MOXD1: variants seen among roughly 807,000 people sequenced by gnomAD.
MOXD1 encodes the protein monooxygenase DBH like 1, also known as DBH-like monooxygenase protein 1.
MOXD1 carries 62 observed loss-of-function variants against 66.6 expected under a neutral mutation model. The observed-to-expected ratio is 0.93, with a 90% CI of 0.76 to 1.15. The LOEUF is 1.15. Ranked by LOEUF, MOXD1 falls within the 50% of genes most tolerant of loss-of-function variation. MOXD1 has a pLI of 0.00. For synonymous variants in MOXD1, 303 were observed against 281.9 expected (o/e 1.07, Z -0.75); for missense variants, 847 against 754.6 (o/e 1.12, Z -1.44).
chr6:132,353,433 T>C (rs1194429176), intron 4 of MOXD1, among the ~76,000 whole-genome samples: 1 of 152,236 alleles, frequency 6.6e-6, no homozygotes, highest in Non-Finnish European at 1.5e-5. Flanking sequence ...TCAGTTTCAC[T>C]GGATACAAAA....
At chr6:132,362,121 T>G (rs993233266) in intron 4 of MOXD1, among the ~76,000 whole-genome samples, 1 of 152,152 alleles carries the variant, frequency 6.6e-6, no homozygotes, top group East Asian at 1.9e-4. Context: ...AAGTATACAA[T>G]TGTTTCCATT....
chr6:132,375,578 G>A (rs7764798), intron 1 of MOXD1, among the ~76,000 whole-genome samples: 149,938 of 152,250 alleles, frequency 0.98, 73,838 homozygotes, highest in East Asian at 1. Flanking sequence ...GGTGCCCACC[G>A]CCACGCCTGG....
chr6:132,301,345 A>C (rs1207800308), intron 10 of MOXD1, among the ~76,000 whole-genome samples: 1 of 152,058 alleles, frequency 6.6e-6, no homozygotes, highest in Non-Finnish European at 1.5e-5. Context: ...AGTTGACTGC[A>C]ATACACCATG....
chr6:132,391,929 C>T (rs763537705), intron 1 of MOXD1: 10 of 347,914 alleles, frequency 2.9e-5, no homozygotes, highest in African/African-American at 4.3e-5. Flanking sequence ...TACTGTGGAG[C>T]ATGTGTCCTT....
At chr6:132,342,758 G>T (rs191411296) in intron 4 of MOXD1, among the ~76,000 whole-genome samples, 1 of 152,210 alleles carries the variant, frequency 6.6e-6, no homozygotes, top group East Asian at 1.9e-4. Context: ...ATATAATTTT[G>T]CTTTTTCATG....
chr6:132,328,782 TGAC>T (rs1775249041), intron 4 of MOXD1, among the ~76,000 whole-genome samples, 188 bp from the exon 5 acceptor site: 1 of 152,172 alleles, frequency 6.6e-6, no homozygotes, highest in Non-Finnish European at 1.5e-5. Flanking sequence ...GATATGATGA[TGAC>T]AACGGCAACA....
chr6:132,345,857 A>G (rs932309003), intron 4 of MOXD1, among the ~76,000 whole-genome samples: 5 of 152,000 alleles, frequency 3.3e-5, no homozygotes, highest in Non-Finnish European at 5.9e-5. Context: ...AGATTGACAG[A>G]CCAAATGACA....
intron 10 of MOXD1, among the ~76,000 whole-genome samples, chr6:132,303,231 T>A (rs569943376): frequency 1.8e-4 from 27 of 152,104 alleles, no homozygotes; most frequent in Non-Finnish European, 3.2e-4. Flanking sequence ...AGCCACAGAC[T>A]GGGAGAAATT....
chr6:132,368,337 G>C (rs1776186581), intron 4 of MOXD1, among the ~76,000 whole-genome samples: 1 of 152,006 alleles, frequency 6.6e-6, no homozygotes. Flanking sequence ...GTGGTCTCGA[G>C]TACCTGACAA....
chr6:132,322,637 A>C, intron 8 of MOXD1, 42 bp downstream of exon 8: 1 of 1,563,446 alleles, frequency 6.4e-7, no homozygotes, highest in South Asian at 1.2e-5. Context: ...ATGTCTCATG[A>C]CTTTCATAAC....
chr6:132,318,186 A>T (rs191603441), intron 9 of MOXD1, among the ~76,000 whole-genome samples: 1 of 152,178 alleles, frequency 6.6e-6, no homozygotes, highest in Admixed American at 6.5e-5. Flanking sequence ...CTCTCCTGAA[A>T]CACATTCTGC....
intron 4 of MOXD1, among the ~76,000 whole-genome samples, chr6:132,370,016 AT>A (rs1397404668): frequency 3.3e-5 from 5 of 152,238 alleles, no homozygotes; most frequent in Admixed American, 2.6e-4. Context: ...ACTGTGATCG[AT>A]ATTCTTAAAA....
At chr6:132,377,538 G>A (rs1776418732) in intron 1 of MOXD1, among the ~76,000 whole-genome samples, 1 of 152,092 alleles carries the variant, frequency 6.6e-6, no homozygotes, top group South Asian at 2.1e-4. Flanking sequence ...ACTCCTTCCA[G>A]CTATTCCACC....
intron 1 of MOXD1, chr6:132,391,143 G>A (rs1776751131): frequency 6.6e-6 from 1 of 151,298 alleles, no homozygotes; most frequent in Non-Finnish European, 1.5e-5. Context: ...AGGCAAGGAA[G>A]AGTAGGAGGT....
intron 1 of MOXD1, among the ~76,000 whole-genome samples, chr6:132,393,001 A>T (rs1776798958): frequency 6.6e-6 from 1 of 152,238 alleles, no homozygotes; most frequent in African/African-American, 2.4e-5. Flanking sequence ...AGGTAGTCTC[A>T]TTGGATCTAA....
intron 1 of MOXD1, among the ~76,000 whole-genome samples, chr6:132,387,492 A>T (rs1350236057): frequency 2.0e-5 from 3 of 150,954 alleles, no homozygotes; most frequent in Non-Finnish European, 4.4e-5. Flanking sequence ...GGTAGCTCAC[A>T]CCTGTAATTT....
At chr6:132,391,436 C>T (rs1189586073) in intron 1 of MOXD1, 1 of 151,984 alleles carries the variant, frequency 6.6e-6, no homozygotes. Context: ...TCCTTATGAA[C>T]AGCTTTTTTT....
rs774757623 is a variant in MOXD1 at position 132,323,960 on chromosome 6, C to A, written c.1084G>T (p.Gly362Cys). The change falls in exon 7 of 12, where the codon GGT becomes TGT. Residue 362 changes from glycine (G) to cysteine (C), a missense_variant. By Grantham distance (159) the Gly-to-Cys change is radical (BLOSUM62 -3). Coordinates refer to ENST00000367963, the MANE Select transcript of MOXD1 (RefSeq NM_015529.4). ...PPGMPEFQSE[G>C]HCTLECLEEA... ...TCCAGGCACTCCAAAGTGCAGTGAC[C>A]CTCAGACTGGAACTCAGGCATCCCT... 1.2e-6 allele frequency: 2 copies of A among 1,613,190 alleles called. No homozygotes were observed. The highest frequency in any genetic ancestry group is 1.1e-5 in the South Asian group (1 of 90,868).
Position 132,336,424 on chromosome 6 carries a change from T to C in MOXD1, c.664-7830A>G, listed in dbSNP as rs185307744. On this transcript the variant is annotated intron_variant, in intron 4 of 11. Transcript: ENST00000367963. ...TAGATGGATGAGCATATGATCATGC[T>C]GACATGCTCATGTGACAATGGGAGC... Among the ~76,000 whole-genome samples the C allele has an allele frequency of 2.4e-4, 37 of 152,330 alleles. No individual in the cohort carries two copies. In the East Asian group the frequency reaches 6.4e-3, roughly 26 times the overall value.
Sources: gnomAD v4.1 joint callset for allele counts (sites outside exome capture counted in the v4.1 genomes callset) on GRCh38, gnomAD v4.1.1 for gene constraint, MANE v1.5 for transcripts, NCBI Gene and HGNC (gene_info 2026-07-23, HGNC 2026-07-21) for gene names.